The following ZNF454 variants were observed in gnomAD, a reference collection of about 807,000 sequenced individuals.
ZNF454 encodes zinc finger protein 454.
ZNF454 carries 30 observed loss-of-function variants against 48.2 expected under a neutral mutation model. That is an observed-to-expected ratio of 0.62 (90% CI 0.47 to 0.84). The LOEUF (loss-of-function observed/expected upper bound fraction) is 0.84. Among genes scored for constraint, ZNF454 ranks in the 40% least tolerant of loss-of-function variants. ZNF454 has a pLI of 0.00. For synonymous variants in ZNF454, 204 were observed against 211.4 expected, an observed-to-expected ratio of 0.97 and a Z score of 0.30; for missense variants, 510 against 623.1, an observed-to-expected ratio of 0.82 and a Z score of 1.93.
At chr5:178,958,376 T>A (rs1759862877) in intron 4 of ZNF454, among the ~76,000 whole-genome samples, 1 of 152,248 alleles carries the variant, frequency 6.6e-6, no homozygotes, top group South Asian at 2.1e-4. Flanking sequence ...GGCTTCTTGC[T>A]TTCAACAGTA....
rs1759081401 is a variant in ZNF454 at position 178,941,378 on chromosome 5, GC to G, written c.-172del. ...GTCTGGGGAGAAGGGCGGAGGCAAA[GC>G]CGAGGAGGTGCGGGTTGTGGTCCAT... On this transcript the variant is annotated 5_prime_UTR_variant, in exon 1 of 5. The change abolishes the stop of an existing upstream ORF in the 5' untranslated region. Coordinates refer to ENST00000519564, the MANE Select transcript of ZNF454 (RefSeq NM_001178089.3). This position sits in a 1 kb window ranked among gnomAD's most constrained non-coding sequence, Gnocchi z 5.5. 1 of 456,448 alleles carries G rather than the reference GC, an allele frequency of 2.2e-6. No homozygotes were observed. The highest frequency in any genetic ancestry group is 2.4e-5 in the Admixed American group (1 of 42,532). The allele number at this position is 456,448 out of a possible 1,614,324, so 28.3% of individuals were successfully genotyped here. A position where few individuals can be genotyped will look rare whatever the true frequency, so the allele number is the denominator to read the frequency against.
In ZNF454 at chr5:178,944,712, C is replaced by T. The variant is rs1759243879; in HGVS notation, c.34-1647C>T. On this transcript the variant is annotated intron_variant, in intron 2 of 4. Coordinates refer to ENST00000519564, the MANE Select transcript of ZNF454 (RefSeq NM_001178089.3). The surrounding 1 kb of genome is among the most constrained non-coding windows in gnomAD (Gnocchi z 4.1). ...ACTGTGGAAGTGGGATCTACAATAA[C>T]CTGAGAGTCCTTTCTCTTGGACCTT... 1.3e-5 allele frequency among the ~76,000 whole-genome samples: 2 copies of T among 152,322 alleles called. No homozygotes were observed. Among genetic ancestry groups the T allele is most frequent in the South Asian group, 4.1e-4 (2 of 4,820 alleles).
chr5:178,976,529 T>A, the ZNF454 span, among the ~76,000 whole-genome samples: 4 of 151,776 alleles, frequency 2.6e-5, no homozygotes, highest in African/African-American at 9.7e-5. Flanking sequence ...TGGGGCTGGG[T>A]TAATGAGTGG....
the ZNF454 span, chr5:178,975,555 C>A: frequency 4.0e-6 from 1 of 251,322 alleles, no homozygotes; most frequent in Non-Finnish European, 8.5e-6. Flanking sequence ...ACACAGTAGC[C>A]AGAGTGGTCC....
At chr5:178,981,973 G>C in the ZNF454 span, 1 of 802,590 alleles carries the variant, frequency 1.2e-6, no homozygotes, top group Non-Finnish European at 2.2e-6. The surrounding 1 kb of genome is among the most constrained non-coding windows in gnomAD (Gnocchi z 5.1). Context: ...CTGGGAATGA[G>C]CACTTAGACC....
At chr5:178,950,889 C>T (rs753758855) in intron 4 of ZNF454, among the ~76,000 whole-genome samples, 42 of 143,540 alleles carry the variant, frequency 2.9e-4, no homozygotes, top group Non-Finnish European at 4.8e-4. Context: ...ACAAGAGTTT[C>T]GCTCTTGTTG....
chr5:178,960,418 C>T (rs1285225897), intron 4 of ZNF454, among the ~76,000 whole-genome samples: 3 of 151,562 alleles, frequency 2.0e-5, no homozygotes, highest in Non-Finnish European at 4.4e-5. Context: ...CCACCACGCC[C>T]GGCTAATTTT....
chr5:178,967,949 C>T (rs2113288769), downstream of ZNF454, among the ~76,000 whole-genome samples: 1 of 152,064 alleles, frequency 6.6e-6, no homozygotes, highest in South Asian at 2.1e-4. Context: ...CTATGTTGGC[C>T]AGGCTGGTCT....
intron 4 of ZNF454, among the ~76,000 whole-genome samples, chr5:178,957,569 C>A (rs1211558142): frequency 6.6e-6 from 1 of 151,970 alleles, no homozygotes; most frequent in Non-Finnish European, 1.5e-5. Flanking sequence ...GCCACCACGT[C>A]CAGCTAATTT....
intron 2 of ZNF454, among the ~76,000 whole-genome samples, chr5:178,945,808 C>G (rs905600619): frequency 1.3e-5 from 2 of 151,796 alleles, no homozygotes; most frequent in Non-Finnish European, 2.9e-5. Flanking sequence ...GGGCCGTGTT[C>G]CAGATGCAGG....
At chr5:178,985,442 G>A in the ZNF454 span, among the ~76,000 whole-genome samples, 178 of 150,874 alleles carry the variant, frequency 1.2e-3, no homozygotes, top group African/African-American at 3.8e-3. Flanking sequence ...AGCGGCTCCC[G>A]CCTGTCATCC....
At chr5:178,985,716 A>AAC in the ZNF454 span, 3 of 410,640 alleles carry the variant, frequency 7.3e-6, no homozygotes, top group African/African-American at 6.9e-5. Flanking sequence ...AAAAAAAAAC[A>AAC]AAACAACACA....
At chr5:178,966,843 G>C (rs1011597584), downstream of ZNF454, among the ~76,000 whole-genome samples, 4 of 152,094 alleles carry the variant, frequency 2.6e-5, no homozygotes, top group African/African-American at 9.7e-5. Context: ...TCTCTGGTCT[G>C]TCTGCTGGCT....
chr5:178,980,030 GAGA>G, the ZNF454 span: 1,502 of 154,478 alleles, frequency 9.7e-3, 20 homozygotes, highest in African/African-American at 0.034. The surrounding 1 kb of genome is among the most constrained non-coding windows in gnomAD (Gnocchi z 4.3). Context: ...AACAAATGTG[GAGA>G]AGGAGAGTCA....
chr5:178,982,690 G>GAC, the ZNF454 span: 1 of 301,582 alleles, frequency 3.3e-6, no homozygotes, highest in Non-Finnish European at 5.6e-6. Flanking sequence ...AAATGAAAAT[G>GAC]ATAAAAAAAA....
chr5:178,945,516 ATC>A (rs1014021741), intron 2 of ZNF454, among the ~76,000 whole-genome samples: 2 of 128,854 alleles, frequency 1.6e-5, no homozygotes, highest in Non-Finnish European at 3.2e-5. Flanking sequence ...GTGTCTGTGC[ATC>A]TCTGTGTGGG....
chr5:178,989,241 C>T, the ZNF454 span: 2 of 1,526,450 alleles, frequency 1.3e-6, no homozygotes, highest in Non-Finnish European at 9.1e-7. Context: ...CCTCCCCACC[C>T]TCACCACCCT....
the ZNF454 span, chr5:178,983,576 G>A: frequency 2.3e-6 from 1 of 442,314 alleles, no homozygotes; most frequent in South Asian, 1.8e-5. Context: ...CTTCAAGGTA[G>A]ATGGATGTGG....
chr5:178,982,140 A>T, the ZNF454 span, among the ~76,000 whole-genome samples: 6 of 152,356 alleles, frequency 3.9e-5, no homozygotes, highest in South Asian at 1.2e-3. Flanking sequence ...CACGTTTCAA[A>T]TACATACAAA....
Sources: allele counts gnomAD v4.1 joint callset (sites outside exome capture counted in the v4.1 genomes callset), GRCh38; gene constraint gnomAD v4.1.1; non-coding constraint Gnocchi (gnomAD v3.1); transcripts MANE v1.5; gene names NCBI Gene and HGNC (gene_info 2026-07-23, HGNC 2026-07-21).